NTRK2: variants seen among roughly 807,000 people sequenced by gnomAD.
The protein encoded by NTRK2 is BDNF/NT-3 growth factors receptor.
In NTRK2, 13 loss-of-function variants were observed where a neutral mutation model predicts 94.5. The observed-to-expected ratio is 0.14, with a 90% confidence interval of 0.09 to 0.22. The LOEUF (loss-of-function observed/expected upper bound fraction) is 0.22, where lower values mean the gene tolerates loss of function less well. Ranked by LOEUF, NTRK2 falls within the 10% of genes least tolerant of loss-of-function variation. The pLI, the probability that NTRK2 is intolerant of heterozygous loss-of-function variation, is 1.00. For synonymous variants in NTRK2, 372 were observed against 407.4 expected (o/e 0.91, Z 1.05); for missense variants, 639 against 1,071.2 (o/e 0.60, Z 5.63).
intron 2 of NTRK2, among the ~76,000 whole-genome samples, chr9:84,696,156 C>T (rs1393120323): frequency 2.0e-5 from 3 of 152,136 alleles, no homozygotes; most frequent in East Asian, 1.9e-4. Flanking sequence ...ACCACAGGCA[C>T]CTGCCACCAT....
intron 2 of NTRK2, among the ~76,000 whole-genome samples, chr9:84,694,032 G>A (rs1045981212): frequency 2.6e-5 from 4 of 152,176 alleles, no homozygotes; most frequent in African/African-American, 7.2e-5. Context: ...TTTGGGCTGT[G>A]ATTATTTGTA....
In NTRK2 at chr9:84,870,331, G is replaced by GTATATATATATATA. The variant is rs1158637577; in HGVS notation, c.1633+2921_1633+2934dup. Among the ~76,000 whole-genome samples, 261 of 31,072 alleles carry GTATATATATATATA rather than the reference G, an allele frequency of 8.4e-3. 10 individuals are homozygous for GTATATATATATATA. Among genetic ancestry groups the GTATATATATATATA allele is most frequent in the East Asian group, 0.037 (33 of 888 alleles). The allele number at this position is 31,072 out of a possible 152,430, so 20.4% of individuals were successfully genotyped here. A position where few individuals can be genotyped will look rare whatever the true frequency, so the allele number is the denominator to read the frequency against. On this transcript the variant is annotated intron_variant, in intron 14 of 18. Transcript: ENST00000277120. Reference sequence around the variant, plus strand: ...ATACATATATGTGGGGTGTGTGTGTGTATATATATATATATATATATATAT... The same window carrying GTATATATATATATA: ...ATACATATATGTGGGGTGTGTGTGTGTATATATATATATATATATATATATATATATATATATAT...
intron 15 of NTRK2, among the ~76,000 whole-genome samples, chr9:84,942,390 T>A (rs2078442050): frequency 1.3e-5 from 2 of 152,240 alleles, no homozygotes. Flanking sequence ...CAAGGCTTGT[T>A]CTAAATGCGT....
intron 12 of NTRK2, among the ~76,000 whole-genome samples, chr9:84,836,032 G>A (rs971801806): frequency 4.6e-5 from 7 of 151,754 alleles, no homozygotes; most frequent in African/African-American, 7.3e-5. Context: ...TTGTGGGGCC[G>A]TCTTAGAACA....
At chr9:84,906,224 C>T (rs2077071558) in intron 14 of NTRK2, among the ~76,000 whole-genome samples, 1 of 151,944 alleles carries the variant, frequency 6.6e-6, no homozygotes, top group South Asian at 2.1e-4. Flanking sequence ...GAATTCCAGA[C>T]TTGGGAATGC....
chr9:84,815,312 T>C (rs2072276119), intron 12 of NTRK2: 1 of 1,049,582 alleles, frequency 9.5e-7, no homozygotes, highest in African/African-American at 1.7e-5. Flanking sequence ...TGGGTTTTTA[T>C]GGGGAAAAAA....
At position 84,702,149 on chromosome 9, in the gene NTRK2, T is replaced by C; in HGVS notation, c.213-10T>C. The C allele has an allele frequency of 6.2e-7, 1 of 1,613,360 alleles. No homozygotes were observed. The highest frequency in any genetic ancestry group is 1.7e-4 in the Middle Eastern group (1 of 6,060). On this transcript the variant is annotated splice_polypyrimidine_tract_variant and intron_variant, in intron 2 of 18. Coordinates refer to ENST00000277120, the MANE Select transcript of NTRK2 (RefSeq NM_006180.6). Reference sequence around the variant, plus strand: ...TGAGTCACTGCGATTCACTCTCTGCTTTGTTACAGTTTCATCGCAAACCAG... The same window carrying C: ...TGAGTCACTGCGATTCACTCTCTGCCTTGTTACAGTTTCATCGCAAACCAG...
chr9:84,804,748 T>G (rs2070908021), intron 12 of NTRK2, among the ~76,000 whole-genome samples: 1 of 152,230 alleles, frequency 6.6e-6, no homozygotes, highest in African/African-American at 2.4e-5. Context: ...GAATCACTGA[T>G]AAGCCCCTCT....
chr9:84,686,651 C>T (rs1318589024), intron 2 of NTRK2, among the ~76,000 whole-genome samples: 1 of 152,162 alleles, frequency 6.6e-6, no homozygotes, highest in African/African-American at 2.4e-5. Context: ...GATAATGTGT[C>T]AGGTCTAGTT....
intron 17 of NTRK2, among the ~76,000 whole-genome samples, chr9:84,957,859 T>A (rs762580127): frequency 1.6e-4 from 24 of 152,248 alleles, no homozygotes; most frequent in Non-Finnish European, 1.8e-4. Flanking sequence ...ATCAACTGAT[T>A]AATGAATAAA....
chr9:84,963,842 C>A (rs1308231284), intron 17 of NTRK2, among the ~76,000 whole-genome samples: 1 of 152,056 alleles, frequency 6.6e-6, no homozygotes, highest in African/African-American at 2.4e-5. Flanking sequence ...TCACCAAGTT[C>A]AGTAATTTTT....
At chr9:84,849,280 G>T (rs1188502336) in intron 12 of NTRK2, among the ~76,000 whole-genome samples, 1 of 152,132 alleles carries the variant, frequency 6.6e-6, no homozygotes, top group Non-Finnish European at 1.5e-5. Context: ...GTTCACTGTG[G>T]CAGGATGAAG....
intron 12 of NTRK2, among the ~76,000 whole-genome samples, chr9:84,768,014 A>C (rs973777876): frequency 6.6e-6 from 1 of 152,216 alleles, no homozygotes; most frequent in Non-Finnish European, 1.5e-5. Context: ...TGGAAACCTA[A>C]GAATGGAAAA....
rs78653081 is a variant in NTRK2, at chr9:84,870,968, T to A, written c.1633+3537T>A. 4.6e-3 allele frequency among the ~76,000 whole-genome samples: 705 copies of A among 152,294 alleles called. 13 individuals carry two copies. The highest frequency in any genetic ancestry group is 0.038 in the Admixed American group (576 of 15,294). On this transcript the variant is annotated intron_variant, in intron 14 of 18. Transcript: ENST00000277120. ...GTAAGATCTATATGTATGATCTTAC[T>A]CATCTCACTGAATTTTAAGAATCTG...
intron 17 of NTRK2, among the ~76,000 whole-genome samples, chr9:85,000,434 C>CT (rs896526876): frequency 6.6e-5 from 10 of 152,118 alleles, no homozygotes; most frequent in African/African-American, 2.2e-4. Flanking sequence ...AACCACTGAT[C>CT]TTTTTTTACT....
At chr9:84,715,224 G>T (rs752409739) in intron 6 of NTRK2, among the ~76,000 whole-genome samples, 1 of 152,090 alleles carries the variant, frequency 6.6e-6, no homozygotes, top group South Asian at 2.1e-4. Flanking sequence ...TGGTGTGAAC[G>T]TTTCAGTTAA....
intron 4 of NTRK2, among the ~76,000 whole-genome samples, chr9:84,704,774 A>G (rs2060945135): frequency 6.6e-6 from 1 of 152,236 alleles, no homozygotes; most frequent in Admixed American, 6.5e-5. Context: ...AGGTCATCAG[A>G]TGGCAGTAAG....
rs12341577 is a variant in NTRK2, at chr9:84,989,501, T to C, written c.2173-30705T>C. Among the ~76,000 whole-genome samples, 988 of 152,362 alleles carry C rather than the reference T, an allele frequency of 6.5e-3. 9 individuals are homozygous for C. Among genetic ancestry groups the C allele is most frequent in the African/African-American group, 0.017 (695 of 41,584 alleles). On this transcript the variant is annotated intron_variant, in intron 17 of 18. Coordinates refer to ENST00000277120, the MANE Select transcript of NTRK2 (RefSeq NM_006180.6). ...TTCATTTCTTGACATTGCCCCAGTA[T>C]TGGCAATTAAATGACTACATATATA...
At chr9:84,937,512 G>A (rs2078251735) in intron 15 of NTRK2, among the ~76,000 whole-genome samples, 1 of 152,210 alleles carries the variant, frequency 6.6e-6, no homozygotes, top group African/African-American at 2.4e-5. Context: ...CCTAAGGCAT[G>A]TGCACAACAC....
Sources: allele counts gnomAD v4.1 joint callset (sites outside exome capture counted in the v4.1 genomes callset), GRCh38; gene constraint gnomAD v4.1.1; transcripts MANE v1.5; gene names NCBI Gene and HGNC (gene_info 2026-07-23, HGNC 2026-07-21).